Variants in KCNU1 observed in about 807,000 individuals in gnomAD.
The protein encoded by KCNU1 is potassium channel subfamily U member 1.
A neutral mutation model predicts 126.8 loss-of-function variants in KCNU1; 93 were observed. The observed-to-expected ratio is 0.73, with a 90% CI of 0.62 to 0.87. KCNU1 has a LOEUF of 0.87. Ranked by LOEUF, KCNU1 falls within the 40% of genes least tolerant of loss-of-function variation. The pLI is 0.00. For missense variants in KCNU1, 1,330 were observed against 1,367.1 expected (o/e 0.97, Z 0.43); for synonymous variants, 523 against 494.2 (o/e 1.06, Z -0.77).
At chr8:36,871,428 G>A (rs1585489571) in intron 19 of KCNU1, among the ~76,000 whole-genome samples, 1 of 152,032 alleles carries the variant, frequency 6.6e-6, no homozygotes, top group South Asian at 2.1e-4. Context: ...GAGAGAGAGC[G>A]AGCAATAATT....
At chr8:36,880,854 C>T (rs777678537) in intron 19 of KCNU1, among the ~76,000 whole-genome samples, 1 of 152,024 alleles carries the variant, frequency 6.6e-6, no homozygotes, top group Non-Finnish European at 1.5e-5. Context: ...CCTGGTAGAA[C>T]AAAAAGAAAG....
intron 20 of KCNU1, 111 bp downstream of exon 20, chr8:36,905,915 T>C (rs1807608895): frequency 3.4e-6 from 2 of 587,162 alleles, no homozygotes; most frequent in Non-Finnish European, 6.0e-6. Flanking sequence ...ACTGTGAATT[T>C]GTCAAAAAAA....
At position 36,841,858 on chromosome 8, in the gene KCNU1, A is replaced by G. The variant is rs573469893; in HGVS notation, c.1703+855A>G. Among the ~76,000 whole-genome samples, 31 of 152,328 alleles carry G rather than the reference A, an allele frequency of 2.0e-4. No homozygotes were observed. The South Asian group carries it at 6.2e-3, about 31-fold the overall frequency. On this transcript the variant is annotated intron_variant, in intron 16 of 26. Coordinates refer to ENST00000399881, the MANE Select transcript of KCNU1 (RefSeq NM_001031836.3). ...ATAAGTGAATAAATATGAAAGTAAG[A>G]GAAGTTATCACATAATGCAAAATAA...
intron 12 of KCNU1, 83 bp from the exon 13 acceptor site, chr8:36,836,213 T>A (rs2130556786): frequency 2.4e-6 from 2 of 849,568 alleles, no homozygotes; most frequent in East Asian, 4.9e-5. Context: ...TACCTACATA[T>A]CAATTTAACT....
intron 18 of KCNU1, among the ~76,000 whole-genome samples, chr8:36,853,789 G>C (rs1805435914): frequency 6.6e-6 from 1 of 152,216 alleles, no homozygotes; most frequent in Non-Finnish European, 1.5e-5. Flanking sequence ...GGTCGGTTAA[G>C]TATAGGTTGG....
At chr8:36,813,720 G>A (rs1803806746) in intron 7 of KCNU1, among the ~76,000 whole-genome samples, 1 of 151,794 alleles carries the variant, frequency 6.6e-6, no homozygotes, top group Non-Finnish European at 1.5e-5. Context: ...AAAATAACTT[G>A]GAAAATTGGT....
rs1477586197 is a variant in KCNU1 at position 36,909,517 on chromosome 8, C to T, written c.2313C>T (p.Pro771=). 9 of 1,597,660 alleles carry T rather than the reference C, an allele frequency of 5.6e-6. No individual in the cohort carries two copies. The highest frequency in any genetic ancestry group is 7.7e-6 in the Non-Finnish European group (9 of 1,165,164). Residue 771 remains proline, a synonymous_variant, in exon 21 of 27, where the codon CCC becomes CCT. Transcript: ENST00000399881. The part of the protein sequence containing the change: ...QREWRFLWNF[P]QIYILPGCAL... Reference sequence around the variant, plus strand: ...AATGGCGATTTCTCTGGAATTTTCCCCAGATATACATTCTGCCTGTAAGTA... The same window carrying T: ...AATGGCGATTTCTCTGGAATTTTCCTCAGATATACATTCTGCCTGTAAGTA...
At chr8:36,888,418 G>A (rs943455307) in intron 19 of KCNU1, 24 of 389,376 alleles carry the variant, frequency 6.2e-5, no homozygotes, top group African/African-American at 1.1e-4. Context: ...TGGCTGCACC[G>A]TGCTCTGAAC....
chr8:36,907,532 C>G (rs1301741157), intron 20 of KCNU1, among the ~76,000 whole-genome samples: 1 of 152,186 alleles, frequency 6.6e-6, no homozygotes, highest in African/African-American at 2.4e-5. Context: ...GGTTAAGATT[C>G]ATATCACTCT....
intron 18 of KCNU1, among the ~76,000 whole-genome samples, chr8:36,862,802 G>A (rs1008548365): frequency 1.5e-4 from 23 of 152,064 alleles, no homozygotes; most frequent in Non-Finnish European, 2.2e-4. Context: ...AAGGAGAGAC[G>A]TCCTAAAAGT....
At chr8:36,894,485 A>G (rs1398255480) in intron 19 of KCNU1, among the ~76,000 whole-genome samples, 1 of 152,148 alleles carries the variant, frequency 6.6e-6, no homozygotes, top group African/African-American at 2.4e-5. Flanking sequence ...ACCTAGTACT[A>G]TTAACCTTTC....
chr8:36,923,099 G>C, intron 24 of KCNU1: 1 of 456,086 alleles, frequency 2.2e-6, no homozygotes. Context: ...CCTCTCATGG[G>C]GGGCATTCTT....
intron 19 of KCNU1, among the ~76,000 whole-genome samples, chr8:36,865,278 G>A (rs573952567): frequency 6.6e-6 from 1 of 152,190 alleles, no homozygotes; most frequent in African/African-American, 2.4e-5. Flanking sequence ...GCTGCAGCCA[G>A]TATGGAAAAC....
At chr8:36,905,036 GA>G (rs1272795410) in intron 19 of KCNU1, among the ~76,000 whole-genome samples, 1 of 152,102 alleles carries the variant, frequency 6.6e-6, no homozygotes, top group African/African-American at 2.4e-5. Context: ...TCCTTAGGAT[GA>G]AAGTGGGATT....
intron 18 of KCNU1, among the ~76,000 whole-genome samples, chr8:36,854,440 T>A (rs1246596246): frequency 1.3e-5 from 2 of 151,546 alleles, no homozygotes; most frequent in Non-Finnish European, 2.9e-5. Context: ...AACTGTATAA[T>A]CTTCATTCAC....
intron 14 of KCNU1, 82 bp downstream of exon 14, chr8:36,837,027 G>T: frequency 7.2e-7 from 1 of 1,391,062 alleles, no homozygotes; most frequent in Non-Finnish European, 1.0e-6. Context: ...AAAAATTTGA[G>T]AAAAGCATCA....
intron 10 of KCNU1, among the ~76,000 whole-genome samples, chr8:36,832,527 G>T (rs189370449): frequency 2.6e-5 from 4 of 152,076 alleles, no homozygotes; most frequent in Admixed American, 6.6e-5. Flanking sequence ...TCAGTTATTT[G>T]CTGTCTACTT....
intron 10 of KCNU1, among the ~76,000 whole-genome samples, chr8:36,831,299 G>A (rs1804537831): frequency 6.6e-6 from 1 of 152,072 alleles, no homozygotes; most frequent in Non-Finnish European, 1.5e-5. Flanking sequence ...GGGTCAAGTG[G>A]TATTTCTAGT....
chr8:36,863,140 A>G (rs1039111806), intron 18 of KCNU1, among the ~76,000 whole-genome samples: 6 of 152,186 alleles, frequency 3.9e-5, no homozygotes, highest in African/African-American at 1.4e-4. Context: ...TTCTTCTTCC[A>G]GAAGTGTGTT....
Sources: allele counts gnomAD v4.1 joint callset (sites outside exome capture counted in the v4.1 genomes callset), GRCh38; gene constraint gnomAD v4.1.1; transcripts MANE v1.5; gene names NCBI Gene and HGNC (gene_info 2026-07-23, HGNC 2026-07-21).